The following SGCD variants were observed in gnomAD, a reference collection of about 807,000 sequenced individuals.
SGCD encodes the protein delta-sarcoglycan.
In SGCD, 18 loss-of-function variants were observed where a neutral mutation model predicts 36.6. The observed-to-expected ratio is 0.49, with a 90% CI of 0.34 to 0.73. The LOEUF (loss-of-function observed/expected upper bound fraction) is 0.73, where lower values mean the gene tolerates loss of function less well. SGCD is among the 30% of genes least tolerant of loss of function. SGCD has a pLI of 0.01. For missense variants in SGCD, 387 were observed against 346.7 expected (o/e 1.12, Z -0.92); for synonymous variants, 133 against 130.6 (o/e 1.02, Z -0.12).
intron 1 of SGCD, among the ~76,000 whole-genome samples, chr5:156,023,825 C>T (rs1035341538): frequency 4.1e-5 from 6 of 147,306 alleles, no homozygotes; most frequent in Non-Finnish European, 9.0e-5. Flanking sequence ...CTCTGCCATA[C>T]TTAATGCCTC....
rs546302078 is a variant in SGCD, at chr5:155,997,666, T to C, written c.-281-120212T>C. Reference sequence around the variant, plus strand: ...ATTGTATACATTTCACAGAGAAGTCTGAACATAACTAGAGTGCATCTTCAA... The same window carrying C: ...ATTGTATACATTTCACAGAGAAGTCCGAACATAACTAGAGTGCATCTTCAA... On this transcript the variant is annotated intron_variant, in intron 1 of 9. Coordinates refer to the SGCD transcript ENST00000517913. Among the ~76,000 whole-genome samples, 3 of 152,386 alleles carry C rather than the reference T, an allele frequency of 2.0e-5. No individual in the cohort carries two copies. In the South Asian group the frequency reaches 6.2e-4, roughly 32 times the overall value.
At position 156,567,517 on chromosome 5, in the gene SGCD, C is replaced by G. The variant is rs563381247; in HGVS notation, c.295-21714C>G. Among the ~76,000 whole-genome samples, 44 of 152,238 alleles carry G rather than the reference C, an allele frequency of 2.9e-4. No homozygotes were observed. In the South Asian group the frequency reaches 9.1e-3, roughly 32 times the overall value. The stretch of plus-strand genomic sequence containing the variant: ...TGGAGGCCTTAGGAAGAGCCATTGT[C>G]CAGTTCATGTCTAAAGGCCATCTGC... On this transcript the variant is annotated intron_variant, in intron 4 of 8. Coordinates refer to ENST00000337851, the MANE Select transcript of SGCD (RefSeq NM_000337.6).
intron 1 of SGCD, among the ~76,000 whole-genome samples, chr5:155,993,972 A>G (rs992013585): frequency 4.6e-5 from 7 of 152,194 alleles, no homozygotes; most frequent in Admixed American, 3.3e-4. Context: ...GAAAAGTACC[A>G]AGGTCAGGTT....
intron 3 of SGCD, among the ~76,000 whole-genome samples, chr5:156,347,442 A>G (rs1292653360): frequency 6.6e-6 from 1 of 152,178 alleles, no homozygotes; most frequent in Non-Finnish European, 1.5e-5. Flanking sequence ...TAAAAGATGG[A>G]ATTGATATAC....
chr5:156,420,955 C>G (rs1488543898), intron 3 of SGCD, among the ~76,000 whole-genome samples: 1 of 152,030 alleles, frequency 6.6e-6, no homozygotes, highest in Non-Finnish European at 1.5e-5. Flanking sequence ...GCTTTCAATT[C>G]AGCTCAATCA....
At chr5:155,829,489 A>T in the SGCD span, among the ~76,000 whole-genome samples, 1 of 152,244 alleles carries the variant, frequency 6.6e-6, no homozygotes, top group Non-Finnish European at 1.5e-5. Context: ...TCCCCCAGAC[A>T]CAATGAACTC....
chr5:156,239,399 C>CA (rs34839655), intron 3 of SGCD, among the ~76,000 whole-genome samples: 21,870 of 72,442 alleles, frequency 0.3, 3,333 homozygotes, highest in East Asian at 0.61. Context: ...GATTTCATCT[C>CA]AAAAAAAAAA....
At chr5:155,745,674 C>T in the SGCD span, among the ~76,000 whole-genome samples, 1 of 151,460 alleles carries the variant, frequency 6.6e-6, no homozygotes, top group African/African-American at 2.4e-5. Context: ...TACTACAAAA[C>T]ATTAAGAAAA....
At chr5:156,341,759 G>A (rs1277762332) in intron 2 of SGCD, among the ~76,000 whole-genome samples, 1 of 152,178 alleles carries the variant, frequency 6.6e-6, no homozygotes, top group Non-Finnish European at 1.5e-5. Flanking sequence ...TGCCCAGGCT[G>A]GAGTGCAATG....
At chr5:156,687,019 C>T (rs1268096535) in intron 7 of SGCD, among the ~76,000 whole-genome samples, 1 of 152,180 alleles carries the variant, frequency 6.6e-6, no homozygotes. Flanking sequence ...ATCAGAGGCA[C>T]CTGCTTCAGT....
chr5:156,102,049 C>T (rs1761533337), intron 1 of SGCD, among the ~76,000 whole-genome samples: 1 of 151,994 alleles, frequency 6.6e-6, no homozygotes, highest in Admixed American at 6.6e-5. Flanking sequence ...CCCTTCATTA[C>T]ACTTGCAGGT....
chr5:156,162,456 C>T (rs1385025157), intron 3 of SGCD, among the ~76,000 whole-genome samples: 1 of 151,436 alleles, frequency 6.6e-6, no homozygotes, highest in African/African-American at 2.5e-5. Context: ...ATAGTGTGTG[C>T]AGCTCTCCAT....
rs556703932 is a variant in SGCD at position 156,050,397 on chromosome 5, T to A, written c.-281-67481T>A. Among the ~76,000 whole-genome samples, 65 of 146,742 alleles carry A rather than the reference T, an allele frequency of 4.4e-4. 7 individuals are homozygous for A. In the South Asian group the frequency reaches 9.4e-3, roughly 21 times the overall value. On this transcript the variant is annotated intron_variant, in intron 1 of 9. Coordinates refer to the SGCD transcript ENST00000517913. ...ATTCTTTAAATTATAAAGGGTACAT[T>A]TTTTATACCTAATGCTATTGCATAC...
the SGCD span, among the ~76,000 whole-genome samples, chr5:155,808,556 A>G: frequency 6.6e-6 from 1 of 152,180 alleles, no homozygotes; most frequent in East Asian, 1.9e-4. Flanking sequence ...TCCAGTGAAG[A>G]TTGGATGGCA....
At position 156,286,335 on chromosome 5, in the gene SGCD, A is replaced by G. The variant is rs1213413847; in HGVS notation, c.-43-43199A>G. ...CATCCCATTACTGGGTATATACCCA[A>G]AGGATTATAAATCATGCTGCTATAA... is the stretch of plus-strand genomic sequence containing the variant. On this transcript the variant is annotated intron_variant, in intron 3 of 9. Transcript: ENST00000517913. 2.6e-5 allele frequency among the ~76,000 whole-genome samples: 4 copies of G among 152,210 alleles called. No homozygotes were observed. In the East Asian group the frequency reaches 7.7e-4, roughly 29 times the overall value.
At chr5:156,295,263 A>G (rs1351231736) in intron 3 of SGCD, among the ~76,000 whole-genome samples, 1 of 152,150 alleles carries the variant, frequency 6.6e-6, no homozygotes, top group African/African-American at 2.4e-5. Context: ...GTTGGTGTAC[A>G]ATTGCTCATC....
chr5:156,257,389 G>C (rs1765741292), intron 3 of SGCD, among the ~76,000 whole-genome samples: 1 of 151,944 alleles, frequency 6.6e-6, no homozygotes, highest in African/African-American at 2.4e-5. Context: ...CAGGAGAATG[G>C]CGTGAACCCT....
intron 7 of SGCD, among the ~76,000 whole-genome samples, chr5:156,675,165 C>T (rs527278339): frequency 2.0e-4 from 30 of 152,270 alleles, no homozygotes; most frequent in African/African-American, 5.8e-4. Flanking sequence ...TTAAAATCCT[C>T]TTTCTGTCTC....
chr5:155,730,493 G>A, the SGCD span, among the ~76,000 whole-genome samples: 3 of 145,252 alleles, frequency 2.1e-5, no homozygotes, highest in African/African-American at 7.9e-5. Flanking sequence ...GAAATTGGGG[G>A]AAAGGGAGAG....
Sources: gnomAD v4.1 joint callset for allele counts (sites outside exome capture counted in the v4.1 genomes callset) on GRCh38, gnomAD v4.1.1 for gene constraint, MANE v1.5 for transcripts, NCBI Gene and HGNC (gene_info 2026-07-23, HGNC 2026-07-21) for gene names.